CACNA1B: variants seen among roughly 807,000 people sequenced by gnomAD.
The protein encoded by CACNA1B is calcium voltage-gated channel subunit alpha1 B.
CACNA1B carries 70 observed loss-of-function variants against 247.2 expected under a neutral mutation model. The ratio of observed to expected loss-of-function variants is 0.28; its 90% CI spans 0.23 to 0.35. The LOEUF is 0.35. CACNA1B is among the 10% of genes least tolerant of loss of function. The pLI, the probability that CACNA1B is intolerant of heterozygous loss-of-function variation, is 1.00. For missense variants in CACNA1B, 2,367 were observed against 3,197.4 expected (o/e 0.74, Z 6.26); for synonymous variants, 1,231 against 1,294.4 (o/e 0.95, Z 1.05).
intron 3 of CACNA1B, among the ~76,000 whole-genome samples, chr9:137,898,561 A>G (rs909625836): frequency 1.5e-4 from 23 of 152,112 alleles, no homozygotes; most frequent in Non-Finnish European, 3.1e-4. Flanking sequence ...GCTGGAGTGC[A>G]GTAGCATGAT....
Position 138,043,817 on chromosome 9 carries a change from G to C in CACNA1B, c.3330G>C (p.Glu1110Asp). ...DLESQAEGKK[E>D]VEADDVMRSG... is the part of the protein sequence containing the mutation. ...AAAGCCAAGCAGAGGGGAAGAAGGA[G>C]GTGGAAGCGGATGACGTGATGAGGA... is the stretch of plus-strand genomic sequence containing the variant. Residue 1110 changes from glutamate to aspartate, a missense_variant, in exon 21 of 47, where the codon GAG (glutamate) becomes GAC (aspartate). Coordinates refer to ENST00000371372, the MANE Select transcript of CACNA1B (RefSeq NM_000718.4). 6.2e-7 allele frequency: 1 copy of C among 1,613,950 alleles called. No individual in the cohort carries two copies. The highest frequency in any genetic ancestry group is 8.5e-7 in the Non-Finnish European group (1 of 1,179,872).
rs772894388 is a variant in CACNA1B at position 138,112,385 on chromosome 9, C to G, written c.5429-13C>G. On this transcript the variant is annotated splice_polypyrimidine_tract_variant and intron_variant, in intron 39 of 46. Coordinates refer to ENST00000371372, the MANE Select transcript of CACNA1B (RefSeq NM_000718.4). Reference sequence around the variant, plus strand: ...TCTGTCTTTTCCCCTTCCCCACCATCATCCTGGTGCAGCTGGGACAAAGCA... The same window carrying G: ...TCTGTCTTTTCCCCTTCCCCACCATGATCCTGGTGCAGCTGGGACAAAGCA... The G allele has an allele frequency of 2.5e-6, 4 of 1,597,872 alleles. No individual in the cohort carries two copies. In the Admixed American group the frequency reaches 6.7e-5, roughly 27 times the overall value.
At chr9:138,109,643 G>A (rs1016144187) in intron 39 of CACNA1B, among the ~76,000 whole-genome samples, 3 of 152,170 alleles carry the variant, frequency 2.0e-5, no homozygotes, top group Non-Finnish European at 4.4e-5. Context: ...TCACATCTGG[G>A]GCTTAGGGCT....
At position 138,120,222 on chromosome 9, in the gene CACNA1B, C is replaced by T. The variant is rs200157606; in HGVS notation, c.6088C>T (p.Arg2030Cys). ...CATCTCCACGCTGGCCCAGCGGCCC[C>T]GTGGGACTCATCTTTGCAGCACCAC... Reference protein sequence around the residue: ...RSISTLAQRPRGTHLCSTTPD... With the variant: ...RSISTLAQRPCGTHLCSTTPD... Residue 2030 changes from arginine (R) to cysteine (C), a missense_variant, in exon 45 of 47, where the codon CGT (arginine) becomes TGT (cysteine). Transcript: ENST00000371372. 2.2e-5 allele frequency: 35 copies of T among 1,608,410 alleles called. No homozygotes were observed. Among genetic ancestry groups the T allele is most frequent in the Middle Eastern group, 1.7e-4 (1 of 5,872 alleles).
intron 20 of CACNA1B, among the ~76,000 whole-genome samples, chr9:138,030,110 T>C (rs1958970800): frequency 6.6e-6 from 1 of 152,216 alleles, no homozygotes; most frequent in Admixed American, 6.5e-5. Flanking sequence ...CTTCCAGTAC[T>C]ATTTTGAATA....
Position 138,040,524 on chromosome 9 carries a change from G to A in CACNA1B, c.3287-3250G>A, listed in dbSNP as rs147563008. The A allele has an allele frequency of 6.7e-3, 2,813 of 421,480 alleles. 79 individuals carry two copies. The highest frequency in any genetic ancestry group is 0.053 in the African/African-American group (2,552 of 48,192). 26.1% of individuals were successfully genotyped at this position (421,480 alleles called of 1,614,324 possible). ...TGATATATGTATGGGAGTTTATTAA[G>A]TATTAACTTACATGATCACAAGGTC... On this transcript the variant is annotated intron_variant, in intron 20 of 46. Coordinates refer to ENST00000371372, the MANE Select transcript of CACNA1B (RefSeq NM_000718.4).
intron 23 of CACNA1B, among the ~76,000 whole-genome samples, chr9:138,048,735 G>A (rs1959205402): frequency 6.6e-6 from 1 of 152,128 alleles, no homozygotes; most frequent in Non-Finnish European, 1.5e-5. Context: ...TTGGTTTTTT[G>A]AGACAGGGTC....
chr9:137,932,640 A>G (rs1454748192), intron 6 of CACNA1B, among the ~76,000 whole-genome samples: 3 of 152,110 alleles, frequency 2.0e-5, no homozygotes, highest in African/African-American at 7.2e-5. Flanking sequence ...AGTAACAATC[A>G]CCCAGAGGTA....
At chr9:137,923,356 C>T (rs571604584) in intron 6 of CACNA1B, among the ~76,000 whole-genome samples, 22 of 148,796 alleles carry the variant, frequency 1.5e-4, no homozygotes, top group Non-Finnish European at 1.0e-4. Context: ...GGTAGTATTC[C>T]GTGGCTCCAG....
At position 138,057,893 on chromosome 9, in the gene CACNA1B, T is replaced by A; in HGVS notation, c.4106+24T>A. 1 of 1,596,886 alleles carries A rather than the reference T, an allele frequency of 6.3e-7. No homozygotes were observed. Among genetic ancestry groups the A allele is most frequent in the Non-Finnish European group, 8.6e-7 (1 of 1,167,322 alleles). ...ATGTGAGTGCTCATCCTGCTCTCCG[T>A]AGCTGGGGCAGGCAGCCCCTGAGCT... On this transcript the variant is annotated intron_variant, in intron 27 of 46. Transcript: ENST00000371372. The surrounding 1 kb of genome is among the most constrained non-coding windows in gnomAD (Gnocchi z 4.0).
At chr9:138,106,811 CTCCTT>C (rs368204774) in intron 39 of CACNA1B, among the ~76,000 whole-genome samples, 98 of 152,294 alleles carry the variant, frequency 6.4e-4, no homozygotes, top group African/African-American at 2.3e-3. Context: ...TCCCTATTCT[CTCCTT>C]TCTAATGCCC....
In CACNA1B at chr9:138,057,930, C is replaced by G; in HGVS notation, c.4106+61C>G. The G allele has an allele frequency of 6.3e-7, 1 of 1,579,184 alleles. No individual in the cohort carries two copies. Among genetic ancestry groups the G allele is most frequent in the Non-Finnish European group, 8.7e-7 (1 of 1,154,012 alleles). On this transcript the variant is annotated intron_variant, in intron 27 of 46. Transcript: ENST00000371372. The surrounding 1 kb of genome is among the most constrained non-coding windows in gnomAD (Gnocchi z 4.0). ...GCAGCCCCTGAGCTCGGCCTCCCTT[C>G]CTCCCTCTATCCCTGGGCTCAGGCA...
chr9:138,035,296 T>TA (rs1310117405), intron 20 of CACNA1B, among the ~76,000 whole-genome samples: 2 of 152,182 alleles, frequency 1.3e-5, no homozygotes, highest in East Asian at 3.9e-4. Flanking sequence ...CCATCTCTAC[T>TA]AAAAGTACAA....
At chr9:138,024,875 C>T (rs1958900988) in intron 19 of CACNA1B, 80 bp from the exon 20 acceptor site, 7 of 977,454 alleles carry the variant, frequency 7.2e-6, no homozygotes, top group South Asian at 4.4e-5. Flanking sequence ...CTCAAGTGAT[C>T]CTCCTGCCTC....
Position 138,058,207 on chromosome 9 carries a change from A to T in CACNA1B, c.4265A>T (p.Gln1422Leu), listed in dbSNP as rs1564264487. 1.2e-6 allele frequency: 2 copies of T among 1,614,028 alleles called. No individual in the cohort carries two copies. The highest frequency in any genetic ancestry group is 1.7e-6 in the Non-Finnish European group (2 of 1,179,882). ...TTGATCATCATCACCTTCCAGGAGC[A>T]GGGGGACAAGGTGATGTCTGAATGC... is the stretch of plus-strand genomic sequence containing the variant. ...VALIIITFQE[Q>L]GDKVMSECSL... is the part of the protein sequence containing the mutation. The change falls in exon 28 of 47, where the codon CAG becomes CTG. Residue 1422 changes from glutamine (Q) to leucine (L), a missense_variant. By Grantham distance (113) the Gln-to-Leu change is moderately radical (BLOSUM62 -2). Around this residue, in one of 12 missense-constraint regions of CACNA1B, gnomAD observed 436 missense variants for 679.5 expected, o/e 0.64. Transcript: ENST00000371372. This position sits in a 1 kb window ranked among gnomAD's most constrained non-coding sequence, Gnocchi z 4.7.
intron 38 of CACNA1B, among the ~76,000 whole-genome samples, chr9:138,104,016 G>A (rs1045961842): frequency 2.0e-5 from 3 of 152,244 alleles, no homozygotes; most frequent in African/African-American, 7.2e-5. Flanking sequence ...CACACTTGGC[G>A]CCGGGGCAAG....
intron 6 of CACNA1B, among the ~76,000 whole-genome samples, chr9:137,938,336 A>T (rs1046286590): frequency 6.6e-6 from 1 of 152,222 alleles, no homozygotes; most frequent in African/African-American, 2.4e-5. Flanking sequence ...CAGGATTTAT[A>T]TAACAATAAC....
chr9:137,939,515 T>C (rs1957706922), intron 6 of CACNA1B, among the ~76,000 whole-genome samples: 1 of 152,000 alleles, frequency 6.6e-6, no homozygotes, highest in Non-Finnish European at 1.5e-5. Context: ...TTCTTCAAAC[T>C]GAGGCCGGAT....
chr9:137,880,543 C>T lies in CACNA1B; in HGVS notation c.390+1384C>T, dbSNP rs1956903356. Among the ~76,000 whole-genome samples the T allele has an allele frequency of 6.6e-6, 1 of 152,212 alleles. No individual in the cohort carries two copies. Among genetic ancestry groups the T allele is most frequent in the Admixed American group, 6.5e-5 (1 of 15,284 alleles). On this transcript the variant is annotated intron_variant, in intron 2 of 46. Transcript: ENST00000371372. The surrounding 1 kb of genome is among the most constrained non-coding windows in gnomAD (Gnocchi z 4.8). ...GCGGGGGCAGGGAGGATCAAGCTGTCTTGCCCTGCCAGGCAGTGGGTGTCC... is the reference window on the plus strand; with the variant it reads ...GCGGGGGCAGGGAGGATCAAGCTGTTTTGCCCTGCCAGGCAGTGGGTGTCC...
Sources: gnomAD v4.1 joint callset for allele counts (sites outside exome capture counted in the v4.1 genomes callset) on GRCh38, gnomAD v4.1.1 for gene constraint, gnomAD v4.1.1 regional missense constraint, Gnocchi (gnomAD v3.1) non-coding constraint, MANE v1.5 for transcripts, NCBI Gene and HGNC (gene_info 2026-07-23, HGNC 2026-07-21) for gene names.